MTHFS: variants seen among roughly 807,000 people sequenced by gnomAD.
MTHFS encodes the protein methenyltetrahydrofolate synthetase.
A neutral mutation model predicts 12.7 loss-of-function variants in MTHFS; 7 were observed. That is an observed-to-expected ratio of 0.55 (90% CI 0.31 to 1.03). The LOEUF is 1.03. MTHFS is among the 50% of genes least tolerant of loss of function. The pLI, the probability that MTHFS is intolerant of heterozygous loss-of-function variation, is 0.05. For synonymous variants in MTHFS, 100 were observed against 97.1 expected (o/e 1.03, Z -0.18); for missense variants, 252 against 258.1 (o/e 0.98, Z 0.16).
intron 2 of MTHFS, among the ~76,000 whole-genome samples, chr15:79,867,019 A>C (rs191168466): frequency 2.9e-3 from 441 of 152,122 alleles, no homozygotes; most frequent in African/African-American, 0.01. Context: ...TTTAGTGCCA[A>C]AAAAGCAAAT....
intron 2 of MTHFS, among the ~76,000 whole-genome samples, chr15:79,853,556 G>C (rs977281560): frequency 6.6e-6 from 1 of 152,214 alleles, no homozygotes; most frequent in African/African-American, 2.4e-5. Flanking sequence ...TTGGGGATAT[G>C]AATAATGCCT....
chr15:79,853,228 A>G (rs1469678736), intron 2 of MTHFS, among the ~76,000 whole-genome samples: 3 of 152,230 alleles, frequency 2.0e-5, no homozygotes, highest in South Asian at 2.1e-4. Flanking sequence ...GTACTCTTCT[A>G]TATGGTTTAC....
chr15:79,845,594 A>T (rs2033599419), intron 2 of MTHFS, 152 bp from the exon 3 acceptor site: 1 of 1,121,514 alleles, frequency 8.9e-7, no homozygotes, highest in South Asian at 1.7e-5. Context: ...GAGTTGGACA[A>T]AAAAGGAAAT....
chr15:79,866,564 C>A (rs965157516), intron 2 of MTHFS, among the ~76,000 whole-genome samples: 2 of 152,126 alleles, frequency 1.3e-5, no homozygotes, highest in African/African-American at 2.4e-5. Context: ...CTTCAGCAGG[C>A]GAGACCCTGG....
chr15:79,873,155 G>A (rs767190673), intron 2 of MTHFS, among the ~76,000 whole-genome samples: 2 of 152,048 alleles, frequency 1.3e-5, no homozygotes, highest in South Asian at 2.1e-4. Flanking sequence ...CCATTGTGAC[G>A]CCTCCTGGTG....
At chr15:79,877,305 ATT>A (rs907164760) in intron 2 of MTHFS, 2 of 152,012 alleles carry the variant, frequency 1.3e-5, no homozygotes, top group African/African-American at 4.8e-5. Context: ...CAGGAAAAAA[ATT>A]TTTTTTGAAA....
At chr15:79,862,101 C>A (rs1220219457) in intron 2 of MTHFS, among the ~76,000 whole-genome samples, 1 of 151,828 alleles carries the variant, frequency 6.6e-6, no homozygotes, top group East Asian at 1.9e-4. Flanking sequence ...GTTTCTAACA[C>A]CAACATAGAC....
chr15:79,844,786 A>G lies in MTHFS; in HGVS notation c.*424T>C, dbSNP rs1187904618. 1.3e-5 allele frequency among the ~76,000 whole-genome samples: 2 copies of G among 152,216 alleles called. No individual in the cohort carries two copies. The highest frequency in any genetic ancestry group is 4.8e-5 in the African/African-American group (2 of 41,454). The stretch of plus-strand genomic sequence containing the variant: ...CTGTATCCAAAGCAAATACCAACAA[A>G]TAAATTAATAGTCCCCAAGTCTCCA... On this transcript the variant is annotated 3_prime_UTR_variant, in exon 3 of 3. Transcript: ENST00000258874.
rs1188544231 is a variant in MTHFS, at chr15:79,884,064, C to T, written c.379+5029G>A. On this transcript the variant is annotated intron_variant, in intron 2 of 2. Coordinates refer to ENST00000258874, the MANE Select transcript of MTHFS (RefSeq NM_006441.4). ...TACTATGTGCCAAACACTAGTCAGA[C>T]ATTTTCTCATTTAAACTCCATAACA... is the stretch of plus-strand genomic sequence containing the variant. Among the ~76,000 whole-genome samples, 14 of 152,334 alleles carry T rather than the reference C, an allele frequency of 9.2e-5. No individual in the cohort carries two copies. The East Asian group carries it at 2.5e-3, about 27-fold the overall frequency.
At chr15:79,892,622 A>G (rs2034492986) in intron 1 of MTHFS, among the ~76,000 whole-genome samples, 1 of 152,180 alleles carries the variant, frequency 6.6e-6, no homozygotes, top group African/African-American at 2.4e-5. Context: ...TACATATTCA[A>G]TCATACAACT....
intron 2 of MTHFS, among the ~76,000 whole-genome samples, chr15:79,886,548 G>C (rs186507997): frequency 6.6e-6 from 1 of 151,720 alleles, no homozygotes; most frequent in Admixed American, 6.5e-5. Flanking sequence ...AAATACTATA[G>C]AGGAGAAAAA....
chr15:79,866,705 C>T (rs924670569), intron 2 of MTHFS, among the ~76,000 whole-genome samples: 11 of 152,196 alleles, frequency 7.2e-5, no homozygotes, highest in African/African-American at 2.7e-4. Context: ...AATCCCAGCA[C>T]TTTGGGAGGC....
intron 2 of MTHFS, among the ~76,000 whole-genome samples, chr15:79,861,425 T>C (rs769428250): frequency 6.6e-6 from 1 of 152,210 alleles, no homozygotes; most frequent in Non-Finnish European, 1.5e-5. Flanking sequence ...CTGGTAGTCA[T>C]TAATGCACGT....
chr15:79,896,845 C>T, intron 1 of MTHFS, 27 bp downstream of exon 1: 1 of 1,539,762 alleles, frequency 6.5e-7, no homozygotes, highest in South Asian at 1.2e-5. Context: ...CTGTCCGCCG[C>T]GGCTTCCGCT....
In MTHFS at chr15:79,867,947, G is replaced by A. The variant is rs905953899; in HGVS notation, c.379+21146C>T. 4.6e-5 allele frequency among the ~76,000 whole-genome samples: 7 copies of A among 152,282 alleles called. No individual in the cohort carries two copies. In the East Asian group the frequency reaches 5.8e-4, roughly 13 times the overall value. On this transcript the variant is annotated intron_variant, in intron 2 of 2. Transcript: ENST00000258874. ...TGTGTGAGAGAGAGAGAGCACGAGC[G>A]AGAGAATGAGAGAGATCACACACGT...
chr15:79,876,614 C>CA (rs35224825), intron 2 of MTHFS: 16,966 of 86,016 alleles, frequency 0.2, 1,481 homozygotes, highest in East Asian at 0.4. Context: ...GACTCCATCC[C>CA]AAAAAAAAAA....
intron 2 of MTHFS, among the ~76,000 whole-genome samples, chr15:79,846,836 G>T (rs1339807621): frequency 6.6e-6 from 1 of 152,194 alleles, no homozygotes; most frequent in Non-Finnish European, 1.5e-5. Context: ...CAGGCTTGAA[G>T]TTCAGTTCTG....
chr15:79,886,687 G>A (rs989765056), intron 2 of MTHFS, among the ~76,000 whole-genome samples: 8 of 151,952 alleles, frequency 5.3e-5, no homozygotes, highest in African/African-American at 1.9e-4. Flanking sequence ...TATAATACAG[G>A]TTAGGATATT....
intron 2 of MTHFS, among the ~76,000 whole-genome samples, chr15:79,857,241 C>T (rs975083272): frequency 3.3e-5 from 5 of 151,958 alleles, no homozygotes; most frequent in African/African-American, 4.8e-5. Flanking sequence ...TCAGGTGATC[C>T]ACTCACCTCG....
Sources: allele counts gnomAD v4.1 joint callset (sites outside exome capture counted in the v4.1 genomes callset), GRCh38; gene constraint gnomAD v4.1.1; transcripts MANE v1.5; gene names NCBI Gene and HGNC (gene_info 2026-07-23, HGNC 2026-07-21).